Variants in ELF1 observed in about 807,000 individuals in gnomAD.
ELF1 encodes the protein ETS-related transcription factor Elf-1.
Under a neutral mutation model 59.9 loss-of-function variants are expected in ELF1, and 24 were observed. The observed-to-expected ratio is 0.40, with a 90% CI of 0.29 to 0.56. The LOEUF (loss-of-function observed/expected upper bound fraction) is 0.56. ELF1 is among the 20% of genes least tolerant of loss of function. The pLI is 0.44. For missense variants in ELF1, 627 were observed against 742.2 expected, an observed-to-expected ratio of 0.84 and a Z score of 1.80; for synonymous variants, 248 against 266.2, an observed-to-expected ratio of 0.93 and a Z score of 0.67.
In ELF1 at chr13:40,940,406, A is replaced by AC. The variant is rs1201522755; in HGVS notation, c.1256+514_1256+515insG. Among the ~76,000 whole-genome samples, 6 of 76,246 alleles carry AC rather than the reference A, an allele frequency of 7.9e-5. No homozygotes were observed. In the East Asian group the frequency reaches 1.2e-3, roughly 15 times the overall value. The allele number at this position is 76,246 out of a possible 152,430, so 50.0% of individuals were successfully genotyped here. A position where few individuals can be genotyped will look rare whatever the true frequency, so the allele number is the denominator to read the frequency against. ...TAACTGAAAAAAAAAAAAAAAAAAAAAAAAAAAAAAAACAAACCTACTTTT... is the reference window on the plus strand; with the variant it reads ...TAACTGAAAAAAAAAAAAAAAAAAAACAAAAAAAAAAAACAAACCTACTTTT... On this transcript the variant is annotated intron_variant, in intron 8 of 8. Coordinates refer to ENST00000239882, the MANE Select transcript of ELF1 (RefSeq NM_172373.4).
intron 8 of ELF1, among the ~76,000 whole-genome samples, chr13:40,940,075 C>T (rs1870033468): frequency 6.6e-6 from 1 of 152,126 alleles, no homozygotes; most frequent in Non-Finnish European, 1.5e-5. Flanking sequence ...AAAACCTCCA[C>T]ATTTATATTC....
chr13:41,054,883 CTT>C (rs1198377372), intron 1 of ELF1, among the ~76,000 whole-genome samples: 1 of 152,242 alleles, frequency 6.6e-6, no homozygotes, highest in Non-Finnish European at 1.5e-5. Context: ...CCAGAAATCT[CTT>C]TTCCTAACTA....
At chr13:41,060,427 G>A (rs1394789633) in intron 1 of ELF1, among the ~76,000 whole-genome samples, 3 of 152,184 alleles carry the variant, frequency 2.0e-5, no homozygotes, top group African/African-American at 4.8e-5. Context: ...CCTCCCGGGC[G>A]TCTGGAAAAC....
intron 1 of ELF1, among the ~76,000 whole-genome samples, chr13:40,990,317 A>T (rs1450237415): frequency 3.9e-5 from 6 of 152,234 alleles, no homozygotes. Flanking sequence ...TTGAAAGTAT[A>T]TGGAGGATTA....
rs1312251989 is a variant in ELF1 at position 40,958,849 on chromosome 13, G to A, written c.240C>T (p.Asp80=). 6.2e-7 allele frequency: 1 copy of A among 1,611,376 alleles called. No individual in the cohort carries two copies. Among genetic ancestry groups the A allele is most frequent in the East Asian group, 2.2e-5 (1 of 44,890 alleles). ...AGACACACGCACCTGTAAGGGTGAT[G>A]TCATCATCATCATCGTCTATGATTT... ...EEEIIDDDDD[D]ITLTVEASCH... The change falls in exon 3 of 9, where the codon GAC becomes GAT. Residue 80 remains aspartate (D), a synonymous_variant. Coordinates refer to ENST00000239882, the MANE Select transcript of ELF1 (RefSeq NM_172373.4).
Position 40,933,531 on chromosome 13 carries a change from G to A in ELF1, c.1754C>T (p.Thr585Met), listed in dbSNP as rs1378908913. Residue 585 changes from threonine (T) to methionine (M), a missense_variant, in exon 9 of 9, where the codon ACG becomes ATG. This residue lies in a region of ELF1 where 361 missense variants were observed against 396.1 expected (regional missense o/e 0.91). Coordinates refer to ENST00000239882, the MANE Select transcript of ELF1 (RefSeq NM_172373.4). The stretch of plus-strand genomic sequence containing the variant: ...CACATAAGGCTGTGGCTGCTGCTCC[G>A]TTTTCTCAGTGTTCTCTTTCAAATG... ...EDHLKENTEKTEQQPQPYVMV... is the reference protein window; with the variant it reads ...EDHLKENTEKMEQQPQPYVMV... 1.7e-5 allele frequency: 27 copies of A among 1,614,202 alleles called. No individual in the cohort carries two copies. Among genetic ancestry groups the A allele is most frequent in the Non-Finnish European group, 2.1e-5 (25 of 1,180,032 alleles).
At chr13:40,969,627 C>A (rs973408781) in intron 2 of ELF1, among the ~76,000 whole-genome samples, 2 of 152,122 alleles carry the variant, frequency 1.3e-5, no homozygotes, top group African/African-American at 4.8e-5. Flanking sequence ...CAAATTCTGC[C>A]AGGTTTTGGT....
intron 1 of ELF1, among the ~76,000 whole-genome samples, chr13:41,026,751 C>T (rs540852277): frequency 2.6e-5 from 4 of 152,278 alleles, no homozygotes; most frequent in East Asian, 1.9e-4. Context: ...CAAAGCTGGG[C>T]GTGCATAGCA....
At chr13:41,026,150 T>C (rs943834910) in intron 1 of ELF1, among the ~76,000 whole-genome samples, 2 of 152,104 alleles carry the variant, frequency 1.3e-5, no homozygotes, top group Admixed American at 1.3e-4. Flanking sequence ...TGATAACACA[T>C]AGCATGTCAG....
rs1593387805 is a variant in ELF1, at chr13:40,999,988, AATAT to A, written c.-228-17710_-228-17707del. Among the ~76,000 whole-genome samples, 3 of 152,270 alleles carry A rather than the reference AATAT, an allele frequency of 2.0e-5. No individual in the cohort carries two copies. The East Asian group carries it at 5.8e-4, about 29-fold the overall frequency. ...CACTTGAACACCAGTGTAACTTTGA[AATAT>A]ATGAACTGTTGCATCTTTGGATGAC... On this transcript the variant is annotated intron_variant, in intron 1 of 8. Coordinates refer to ENST00000239882, the MANE Select transcript of ELF1 (RefSeq NM_172373.4).
chr13:40,944,301 A>C (rs548738758), intron 5 of ELF1, among the ~76,000 whole-genome samples: 1 of 152,236 alleles, frequency 6.6e-6, no homozygotes, highest in African/African-American at 2.4e-5. Flanking sequence ...AATAAGCCAT[A>C]CAGTTTTGTC....
rs575554619 is a variant in ELF1 at position 41,007,723 on chromosome 13, A to C, written c.-229+11505T>G. Among the ~76,000 whole-genome samples the C allele has an allele frequency of 2.0e-5, 3 of 152,214 alleles. No individual in the cohort carries two copies. The South Asian group carries it at 6.2e-4, about 32-fold the overall frequency. ...ACTTTAATAAAAGTATATTTCTTCC[A>C]TATAACATTTATTTAATCAACCCCT... On this transcript the variant is annotated intron_variant, in intron 1 of 8. Coordinates refer to ENST00000239882, the MANE Select transcript of ELF1 (RefSeq NM_172373.4).
At chr13:41,051,731 C>A (rs1049781887) in intron 1 of ELF1, among the ~76,000 whole-genome samples, 11 of 151,966 alleles carry the variant, frequency 7.2e-5, no homozygotes, top group African/African-American at 2.7e-4. Flanking sequence ...CAAAAAGTCA[C>A]TAGGCTAGGC....
intron 2 of ELF1, among the ~76,000 whole-genome samples, chr13:40,967,603 A>AT (rs1782322935): frequency 1.3e-5 from 2 of 152,004 alleles, no homozygotes; most frequent in Non-Finnish European, 2.9e-5. Flanking sequence ...TTTTGTTTTT[A>AT]TTTTTTTGAG....
chr13:40,992,667 A>G (rs1398240598), intron 1 of ELF1: 1 of 172,918 alleles, frequency 5.8e-6, no homozygotes, highest in Non-Finnish European at 1.2e-5. Flanking sequence ...TAGGAATAAA[A>G]TCAATTCCCA....
intron 2 of ELF1, among the ~76,000 whole-genome samples, chr13:40,981,309 T>G (rs1281897711): frequency 6.6e-6 from 1 of 152,048 alleles, no homozygotes; most frequent in African/African-American, 2.4e-5. Context: ...CCCAAGAAAC[T>G]CTAGCCTCGT....
At chr13:40,992,807 GA>G in intron 1 of ELF1, 2 of 466,956 alleles carry the variant, frequency 4.3e-6, no homozygotes, top group Non-Finnish European at 7.8e-6. Context: ...CTATACATGT[GA>G]GGATTAGGAG....
chr13:41,057,891 G>A (rs1470870072), intron 1 of ELF1, among the ~76,000 whole-genome samples: 1 of 152,192 alleles, frequency 6.6e-6, no homozygotes, highest in Non-Finnish European at 1.5e-5. Flanking sequence ...GAGCAGCTCT[G>A]TCTTCGAATA....
intron 1 of ELF1, among the ~76,000 whole-genome samples, chr13:40,985,528 A>T (rs943461697): frequency 6.6e-6 from 1 of 152,238 alleles, no homozygotes; most frequent in South Asian, 2.1e-4. Flanking sequence ...CTGCTATAAC[A>T]GTTTATAACA....
Sources: allele counts gnomAD v4.1 joint callset (sites outside exome capture counted in the v4.1 genomes callset), GRCh38; gene constraint gnomAD v4.1.1; regional missense constraint gnomAD v4.1.1; transcripts MANE v1.5; gene names NCBI Gene and HGNC (gene_info 2026-07-23, HGNC 2026-07-21).